Variants in KIAA1328 observed in about 807,000 individuals in gnomAD.
The protein encoded by KIAA1328 is KIAA1328, also known as protein hinderin.
In KIAA1328, 52 loss-of-function variants were observed where a neutral mutation model predicts 68.1. The observed-to-expected ratio is 0.76, with a 90% confidence interval of 0.61 to 0.96. The LOEUF is 0.96. Among genes scored for constraint, KIAA1328 ranks in the 40% least tolerant of loss-of-function variants. The probability of loss-of-function intolerance (pLI) is 0.00; values close to 1 mark genes in which losing one functional copy is unlikely to be tolerated. For missense variants in KIAA1328, 641 were observed against 677.6 expected (o/e 0.95, Z 0.60); for synonymous variants, 232 against 239.4 (o/e 0.97, Z 0.28).
chr18:36,976,989 C>G (rs893680973), intron 6 of KIAA1328, among the ~76,000 whole-genome samples: 1 of 152,198 alleles, frequency 6.6e-6, no homozygotes, highest in African/African-American at 2.4e-5. Context: ...ATACCCCCTA[C>G]AGTGTGGTAT....
chr18:37,214,694 T>A (rs533558734), intron 9 of KIAA1328, among the ~76,000 whole-genome samples: 4 of 152,316 alleles, frequency 2.6e-5, no homozygotes, highest in Admixed American at 2.6e-4. Flanking sequence ...AAGAAAGTCA[T>A]TGGTAGCTTG....
chr18:37,029,527 CCAT>C (rs1206515132), intron 6 of KIAA1328, among the ~76,000 whole-genome samples: 2 of 152,098 alleles, frequency 1.3e-5, no homozygotes, highest in Non-Finnish European at 2.9e-5. Flanking sequence ...ACAAGCACCA[CCAT>C]GAGTGGCTAA....
At chr18:37,111,539 T>G (rs903655238) in intron 7 of KIAA1328, among the ~76,000 whole-genome samples, 2 of 152,110 alleles carry the variant, frequency 1.3e-5, no homozygotes, top group African/African-American at 4.8e-5. Flanking sequence ...ATAAAAACAT[T>G]AAAAATGATT....
At chr18:37,189,488 C>A (rs1278721923) in intron 9 of KIAA1328, among the ~76,000 whole-genome samples, 1 of 152,110 alleles carries the variant, frequency 6.6e-6, no homozygotes, top group East Asian at 1.9e-4. Context: ...TAACTTAATA[C>A]CATAAGCTAT....
chr18:37,167,345 G>A (rs560663973), intron 8 of KIAA1328, among the ~76,000 whole-genome samples: 2 of 152,282 alleles, frequency 1.3e-5, no homozygotes, highest in Admixed American at 6.5e-5. Flanking sequence ...TCTGTATCCC[G>A]GGTTCTTGCC....
intron 6 of KIAA1328, among the ~76,000 whole-genome samples, chr18:36,980,984 C>G (rs1302508708): frequency 1.3e-5 from 2 of 152,152 alleles, no homozygotes; most frequent in East Asian, 1.9e-4. Context: ...TTCGGTATGT[C>G]TTTATCAGCA....
At chr18:36,931,827 A>G (rs1160216139) in intron 5 of KIAA1328, among the ~76,000 whole-genome samples, 1 of 19,550 alleles carries the variant, frequency 5.1e-5, no homozygotes, top group Non-Finnish European at 6.3e-4. Context: ...AAGCTTAGCT[A>G]TTTCATTTTT....
chr18:36,973,830 T>TACACACACACACACACACATACACAC (rs2052349824), intron 6 of KIAA1328, among the ~76,000 whole-genome samples: 2 of 147,278 alleles, frequency 1.4e-5, no homozygotes, highest in Non-Finnish European at 3.0e-5. Flanking sequence ...CACACACACA[T>TACACACACACACACACACATACACAC]ACACACACAC....
At chr18:37,135,457 A>G (rs1338148882) in intron 7 of KIAA1328, among the ~76,000 whole-genome samples, 1 of 152,022 alleles carries the variant, frequency 6.6e-6, no homozygotes, top group Non-Finnish European at 1.5e-5. Context: ...GATTAGTGAT[A>G]CTGAGCATTT....
At chr18:37,158,137 A>C (rs1223348254) in intron 7 of KIAA1328, among the ~76,000 whole-genome samples, 2 of 151,816 alleles carry the variant, frequency 1.3e-5, no homozygotes, top group African/African-American at 4.8e-5. Flanking sequence ...GGCTCAAGCT[A>C]TCCTGCTGCC....
intron 5 of KIAA1328, among the ~76,000 whole-genome samples, chr18:36,892,364 A>G (rs956153544): frequency 6.6e-6 from 1 of 152,216 alleles, no homozygotes; most frequent in Non-Finnish European, 1.5e-5. Context: ...AAAATGAAGA[A>G]GACTGTAAAT....
chr18:37,074,424 G>A (rs974059618), intron 7 of KIAA1328, among the ~76,000 whole-genome samples: 2 of 152,120 alleles, frequency 1.3e-5, no homozygotes, highest in East Asian at 1.9e-4. Context: ...TCACTTTCAG[G>A]TACACCAATC....
chr18:37,068,368 A>G (rs1416801633), intron 7 of KIAA1328, among the ~76,000 whole-genome samples: 2 of 152,216 alleles, frequency 1.3e-5, no homozygotes, highest in Non-Finnish European at 2.9e-5. Context: ...TCATACACCT[A>G]TCCACATGTA....
At chr18:36,937,662 TTTAA>T (rs1428733385) in intron 5 of KIAA1328, among the ~76,000 whole-genome samples, 1 of 152,218 alleles carries the variant, frequency 6.6e-6, no homozygotes, top group African/African-American at 2.4e-5. Context: ...ATACCTATTT[TTTAA>T]TTGAGGTAAT....
intron 6 of KIAA1328, among the ~76,000 whole-genome samples, chr18:37,052,894 A>G (rs745378873): frequency 3.9e-5 from 6 of 152,234 alleles, no homozygotes; most frequent in Non-Finnish European, 8.8e-5. Flanking sequence ...GGAAGAATCA[A>G]TATCATTAAA....
intron 7 of KIAA1328, among the ~76,000 whole-genome samples, chr18:37,077,232 A>C (rs1035742428): frequency 1.4e-5 from 2 of 140,206 alleles, no homozygotes; most frequent in African/African-American, 6.3e-5. Context: ...AAAGACAAAA[A>C]CTGCACGATT....
chr18:37,135,880 G>A (rs370985291), intron 7 of KIAA1328, among the ~76,000 whole-genome samples: 12 of 151,932 alleles, frequency 7.9e-5, no homozygotes, highest in Non-Finnish European at 1.3e-4. Flanking sequence ...AAAGGTAGCC[G>A]GTTACCCAAT....
intron 9 of KIAA1328, among the ~76,000 whole-genome samples, chr18:37,199,628 G>A (rs1055530537): frequency 4.6e-5 from 7 of 152,132 alleles, no homozygotes; most frequent in African/African-American, 1.7e-4. Flanking sequence ...GCATTGCTGG[G>A]TCAAATGATA....
At chr18:37,093,712 G>A (rs779608392) in intron 7 of KIAA1328, among the ~76,000 whole-genome samples, 12 of 152,164 alleles carry the variant, frequency 7.9e-5, no homozygotes, top group Admixed American at 6.6e-5. Context: ...ATGGGCAAAA[G>A]TATAGAAAAC....
Sources: gnomAD v4.1 joint callset for allele counts (sites outside exome capture counted in the v4.1 genomes callset) on GRCh38, gnomAD v4.1.1 for gene constraint, MANE v1.5 for transcripts, NCBI Gene and HGNC (gene_info 2026-07-23, HGNC 2026-07-21) for gene names.